DTNB: variants seen among roughly 807,000 people sequenced by gnomAD.
DTNB encodes the protein dystrobrevin beta.
In DTNB, 63 loss-of-function variants were observed where a neutral mutation model predicts 90.7. The observed-to-expected ratio is 0.69, with a 90% confidence interval of 0.57 to 0.86. The LOEUF is 0.86. DTNB is among the 40% of genes least tolerant of loss of function. The pLI is 0.00. For missense variants in DTNB, 744 were observed against 807.1 expected (o/e 0.92, Z 0.95); for synonymous variants, 277 against 286.7 (o/e 0.97, Z 0.34).
At position 25,611,582 on chromosome 2, in the gene DTNB, G is replaced by C. The variant is rs1250453679; in HGVS notation, c.363-4261C>G. Among the ~76,000 whole-genome samples the C allele has an allele frequency of 2.6e-5, 4 of 152,178 alleles. No individual in the cohort carries two copies. The East Asian group carries it at 7.7e-4, about 29-fold the overall frequency. ...GCAGATACAGAGGGCCAAGGGTACT[G>C]GCAATGCTGAGGAGTTTGAAAATAA... On this transcript the variant is annotated intron_variant, in intron 4 of 20. Transcript: ENST00000406818.
At chr2:25,461,151 G>C (rs532851743) in intron 10 of DTNB, among the ~76,000 whole-genome samples, 2 of 152,226 alleles carry the variant, frequency 1.3e-5, no homozygotes, top group Non-Finnish European at 2.9e-5. Context: ...TGATCCGCCC[G>C]CCTTGGTCTC....
At chr2:25,483,688 T>A (rs1417543316) in intron 9 of DTNB, among the ~76,000 whole-genome samples, 1 of 152,226 alleles carries the variant, frequency 6.6e-6, no homozygotes, top group Non-Finnish European at 1.5e-5. Context: ...CCAGGTATCT[T>A]GCCTTCCAGC....
intron 2 of DTNB, among the ~76,000 whole-genome samples, chr2:25,645,639 C>T (rs1178763834): frequency 1.3e-5 from 2 of 151,914 alleles, no homozygotes. Context: ...CAAGGTTTCA[C>T]CATGTTGCCC....
At chr2:25,386,172 G>A in intron 18 of DTNB, 1 of 947,836 alleles carries the variant, frequency 1.1e-6, no homozygotes, top group South Asian at 4.8e-5. Context: ...TTAACTGACT[G>A]GAAAGACGAA....
In DTNB at chr2:25,418,569, C is replaced by T. The variant is rs371215969; in HGVS notation, c.1575+946G>A. ...CAAAAATTAGCTGGGTGTGGTGGTG[C>T]GTGACTGTAGTCCCAGCTACTCAGG... On this transcript the variant is annotated intron_variant, in intron 16 of 20. Transcript: ENST00000406818. Among the ~76,000 whole-genome samples, 62 of 151,780 alleles carry T rather than the reference C, an allele frequency of 4.1e-4. 1 individual carries two copies. In the South Asian group the frequency reaches 5.2e-3, roughly 13 times the overall value.
intron 3 of DTNB, among the ~76,000 whole-genome samples, chr2:25,636,299 T>C (rs951591467): frequency 1.3e-5 from 2 of 152,202 alleles, no homozygotes; most frequent in African/African-American, 4.8e-5. Context: ...ATGGAAAAAC[T>C]TGAAAACTGA....
At chr2:25,417,110 A>G (rs1362947642) in intron 16 of DTNB, among the ~76,000 whole-genome samples, 2 of 152,148 alleles carry the variant, frequency 1.3e-5, no homozygotes, top group African/African-American at 4.8e-5. Context: ...AGCACTTCTT[A>G]CCTCATACCA....
chr2:25,405,042 C>A (rs758465939), intron 16 of DTNB, among the ~76,000 whole-genome samples: 1 of 152,080 alleles, frequency 6.6e-6, no homozygotes, highest in Non-Finnish European at 1.5e-5. Flanking sequence ...CTCCTGGGCT[C>A]AAGTAATCCT....
intron 3 of DTNB, among the ~76,000 whole-genome samples, chr2:25,638,121 A>C (rs2077480364): frequency 6.6e-6 from 1 of 152,228 alleles, no homozygotes; most frequent in African/African-American, 2.4e-5. Flanking sequence ...AGAAAAGTGA[A>C]CACCACATGT....
At chr2:25,451,003 C>T (rs1360708293) in intron 12 of DTNB, among the ~76,000 whole-genome samples, 1 of 152,098 alleles carries the variant, frequency 6.6e-6, no homozygotes, top group Non-Finnish European at 1.5e-5. Flanking sequence ...CAGCATTTCA[C>T]TATGCTGCCA....
intron 6 of DTNB, among the ~76,000 whole-genome samples, chr2:25,594,070 G>A (rs1158235824): frequency 1.3e-5 from 2 of 152,110 alleles, no homozygotes; most frequent in African/African-American, 2.4e-5. Context: ...GCAGTGAGAC[G>A]GGCTCCAGAT....
intron 8 of DTNB, among the ~76,000 whole-genome samples, chr2:25,534,689 C>T (rs2079011934): frequency 6.7e-6 from 1 of 150,146 alleles, no homozygotes; most frequent in African/African-American, 2.5e-5. Context: ...GCACTCCTCA[C>T]CTCCCAGACA....
chr2:25,617,154 T>C (rs2070967408), intron 4 of DTNB, among the ~76,000 whole-genome samples: 1 of 152,118 alleles, frequency 6.6e-6, no homozygotes, highest in South Asian at 2.1e-4. Flanking sequence ...TGAACAAATG[T>C]ATGCGTGCTT....
intron 4 of DTNB, among the ~76,000 whole-genome samples, chr2:25,616,226 A>G (rs1018419907): frequency 2.0e-5 from 3 of 152,104 alleles, no homozygotes; most frequent in Non-Finnish European, 2.9e-5. Context: ...CACACTTGCA[A>G]CTCTTCCTGA....
chr2:25,458,347 G>A (rs1324993329), intron 10 of DTNB, among the ~76,000 whole-genome samples: 2 of 151,826 alleles, frequency 1.3e-5, no homozygotes, highest in African/African-American at 2.4e-5. Context: ...AAAATTAAAG[G>A]AGCACTGGCA....
At chr2:25,572,093 G>A (rs942748551) in intron 8 of DTNB, among the ~76,000 whole-genome samples, 1 of 152,096 alleles carries the variant, frequency 6.6e-6, no homozygotes, top group African/African-American at 2.4e-5. Flanking sequence ...GTGCATCCAG[G>A]ATCTCTGGAT....
At chr2:25,651,877 G>C (rs1322908199) in intron 2 of DTNB, among the ~76,000 whole-genome samples, 1 of 151,858 alleles carries the variant, frequency 6.6e-6, no homozygotes, top group African/African-American at 2.4e-5. Flanking sequence ...TTTCACTGGG[G>C]GAAAAAAAGA....
At chr2:25,513,309 A>G (rs1463452413) in intron 9 of DTNB, among the ~76,000 whole-genome samples, 1 of 152,252 alleles carries the variant, frequency 6.6e-6, no homozygotes, top group African/African-American at 2.4e-5. Context: ...GTCAAAGAGA[A>G]GCAAATTTCT....
At chr2:25,671,718 C>G (rs1246378756) in intron 1 of DTNB, among the ~76,000 whole-genome samples, 1 of 152,156 alleles carries the variant, frequency 6.6e-6, no homozygotes. Flanking sequence ...CTGCACAACC[C>G]CTTTCAAAGG....
Sources: gnomAD v4.1 joint callset for allele counts (sites outside exome capture counted in the v4.1 genomes callset) on GRCh38, gnomAD v4.1.1 for gene constraint, MANE v1.5 for transcripts, NCBI Gene and HGNC (gene_info 2026-07-23, HGNC 2026-07-21) for gene names.